The following ARFGEF1 variants were observed in gnomAD, a reference collection of about 807,000 sequenced individuals.
ARFGEF1 encodes brefeldin A-inhibited guanine nucleotide-exchange protein 1.
Under a neutral mutation model 231.0 loss-of-function variants are expected in ARFGEF1, and 42 were observed. The observed-to-expected ratio is 0.18, with a 90% CI of 0.14 to 0.24. ARFGEF1 has a LOEUF of 0.24. Among genes scored for constraint, ARFGEF1 ranks in the 10% least tolerant of loss-of-function variants. The pLI is 1.00. For synonymous variants in ARFGEF1, 710 were observed against 732.3 expected, an observed-to-expected ratio of 0.97 and a Z score of 0.49; for missense variants, 1,345 against 2,192.0, an observed-to-expected ratio of 0.61 and a Z score of 7.72.
At chr8:67,235,422 G>C (rs1475673295) in intron 22 of ARFGEF1, among the ~76,000 whole-genome samples, 4 of 152,138 alleles carry the variant, frequency 2.6e-5, no homozygotes, top group African/African-American at 9.7e-5. Flanking sequence ...AATCACAATA[G>C]AGAGGGCATA....
chr8:67,238,894 C>CT lies in ARFGEF1; in HGVS notation c.2980-2dup. The CT allele has an allele frequency of 2.2e-5, 36 of 1,612,138 alleles. No individual in the cohort carries two copies. The highest frequency in any genetic ancestry group is 3.1e-5 in the Non-Finnish European group (36 of 1,178,798). ...CCTGGACATATGCATCTCTCTCCAG[C>CT]TATAAAAAAGAGAAAAGTATGTTTA... On this transcript the variant is annotated splice_acceptor_variant, in intron 20 of 38. Coordinates refer to ENST00000262215, the MANE Select transcript of ARFGEF1 (RefSeq NM_006421.5). LOFTEE classifies it high-confidence loss of function.
intron 19 of ARFGEF1, among the ~76,000 whole-genome samples, chr8:67,246,976 G>A (rs1408254844): frequency 6.7e-6 from 1 of 149,674 alleles, no homozygotes; most frequent in Non-Finnish European, 1.5e-5. Context: ...ACTACATGCC[G>A]GTAAACTGGA....
At chr8:67,238,091 C>T (rs1370870937) in intron 22 of ARFGEF1, among the ~76,000 whole-genome samples, 1 of 152,098 alleles carries the variant, frequency 6.6e-6, no homozygotes. Flanking sequence ...TTTTTAAAAG[C>T]AAGTAATTTA....
In ARFGEF1 at chr8:67,296,561, G is replaced by T; in HGVS notation, c.509C>A (p.Thr170Asn). 6.2e-7 allele frequency: 1 copy of T among 1,613,546 alleles called. No individual in the cohort carries two copies. The highest frequency in any genetic ancestry group is 8.5e-7 in the Non-Finnish European group (1 of 1,179,774). The change falls in exon 5 of 39, where the codon ACT becomes AAT. Residue 170 changes from threonine to asparagine, a missense_variant. By Grantham distance (65) the Thr-to-Asn change is moderately conservative. Transcript: ENST00000262215. ...TSQHIEIHEG[T>N]VLQAVRTCYN... ...ACATGTTCTCACAGCTTGCAGTACA[G>T]TCCCTTCATGAATTTCTATGTGTTG...
At chr8:67,336,611 C>T (rs765937764) in intron 1 of ARFGEF1, among the ~76,000 whole-genome samples, 2 of 152,190 alleles carry the variant, frequency 1.3e-5, no homozygotes, top group South Asian at 2.1e-4. Flanking sequence ...TAACTGATCT[C>T]GTCTCCATTT....
chr8:67,282,155 A>T (rs1805562425), intron 7 of ARFGEF1, among the ~76,000 whole-genome samples: 1 of 152,120 alleles, frequency 6.6e-6, no homozygotes, highest in Non-Finnish European at 1.5e-5. Flanking sequence ...AAAATTGAAG[A>T]GGGAGGCCTT....
At chr8:67,283,959 C>T (rs570579477) in intron 7 of ARFGEF1, among the ~76,000 whole-genome samples, 32 of 152,216 alleles carry the variant, frequency 2.1e-4, no homozygotes, top group Non-Finnish European at 3.8e-4. Flanking sequence ...CCACTTGACC[C>T]AATAATCTCA....
At chr8:67,253,409 T>C (rs1301119796) in intron 18 of ARFGEF1, 42 bp downstream of exon 18, 4 of 1,399,138 alleles carry the variant, frequency 2.9e-6, no homozygotes, top group Admixed American at 2.1e-5. Flanking sequence ...ACCCATATTT[T>C]TCCCCTTGAA....
rs952645262 is a variant in ARFGEF1 at position 67,198,298 on chromosome 8, C to A, written c.*636G>T. On this transcript the variant is annotated 3_prime_UTR_variant, in exon 39 of 39. Transcript: ENST00000262215. ...CCACCCAAATGTTTAGTGCATTTGACAAAATATTATGGGTATTTAGCAAAT... is the reference window on the plus strand; with the variant it reads ...CCACCCAAATGTTTAGTGCATTTGAAAAAATATTATGGGTATTTAGCAAAT... 1 of 984,666 alleles carries A rather than the reference C, an allele frequency of 1.0e-6. No individual in the cohort carries two copies. Among genetic ancestry groups the A allele is most frequent in the African/African-American group, 1.7e-5 (1 of 57,270 alleles). The allele number at this position is 984,666 out of a possible 1,614,324, so 61.0% of individuals were successfully genotyped here.
At chr8:67,255,618 A>G (rs1383460877) in intron 17 of ARFGEF1, among the ~76,000 whole-genome samples, 1 of 152,260 alleles carries the variant, frequency 6.6e-6, no homozygotes, top group Non-Finnish European at 1.5e-5. Context: ...GTCATTTGTT[A>G]TAGTTATCTA....
intron 7 of ARFGEF1, among the ~76,000 whole-genome samples, chr8:67,279,413 A>AT (rs1477960312): frequency 6.6e-6 from 1 of 152,098 alleles, no homozygotes; most frequent in Non-Finnish European, 1.5e-5. Context: ...GTATTTTAAC[A>AT]TTCCTTTTTC....
intron 19 of ARFGEF1, among the ~76,000 whole-genome samples, chr8:67,247,619 G>C (rs1840147009): frequency 6.7e-6 from 1 of 150,368 alleles, no homozygotes; most frequent in Admixed American, 6.6e-5. Flanking sequence ...ACTGAAAAGG[G>C]AAAAACAGAA....
intron 9 of ARFGEF1, among the ~76,000 whole-genome samples, chr8:67,274,637 A>G (rs1805238015): frequency 2.0e-5 from 3 of 152,022 alleles, no homozygotes; most frequent in Admixed American, 1.3e-4. Flanking sequence ...TGTCCTTTTC[A>G]TTCTCAGCAT....
chr8:67,219,401 A>C, intron 30 of ARFGEF1, 30 bp downstream of exon 30: 1 of 1,596,042 alleles, frequency 6.3e-7, no homozygotes, highest in South Asian at 1.2e-5. Context: ...TAACTTGACT[A>C]AGCTAAATGA....
At chr8:67,208,015 G>C (rs184556199) in intron 34 of ARFGEF1, among the ~76,000 whole-genome samples, 1 of 152,310 alleles carries the variant, frequency 6.6e-6, no homozygotes, top group East Asian at 1.9e-4. Context: ...ACAAAGCTAA[G>C]TGTGTTTAAA....
rs779972940 is a variant in ARFGEF1 at position 67,198,016 on chromosome 8, A to ATGAC, written c.*914_*917dup. On this transcript the variant is annotated 3_prime_UTR_variant, in exon 39 of 39. Coordinates refer to ENST00000262215, the MANE Select transcript of ARFGEF1 (RefSeq NM_006421.5). The stretch of plus-strand genomic sequence containing the variant: ...GCCCCACCACCCAAAAGAAAAGAAA[A>ATGAC]TGACAGCAATCTGGATTCATTTTGC... 9.1e-6 allele frequency: 9 copies of ATGAC among 985,880 alleles called. No homozygotes were observed. The highest frequency in any genetic ancestry group is 1.1e-5 in the Non-Finnish European group (9 of 829,928). 61.1% of individuals were successfully genotyped at this position (985,880 alleles called of 1,614,324 possible).
chr8:67,334,959 T>C (rs1200037127), intron 1 of ARFGEF1, among the ~76,000 whole-genome samples: 1 of 152,208 alleles, frequency 6.6e-6, no homozygotes, highest in Non-Finnish European at 1.5e-5. Context: ...TTTATGCTGA[T>C]GGCTGCATAA....
intron 7 of ARFGEF1, among the ~76,000 whole-genome samples, chr8:67,282,501 C>T (rs1805575920): frequency 1.3e-5 from 2 of 152,030 alleles, no homozygotes; most frequent in South Asian, 4.2e-4. Context: ...ACAGAAACCA[C>T]AAATAAAAAG....
chr8:67,216,460 G>A, intron 33 of ARFGEF1, 130 bp downstream of exon 33: 1 of 816,636 alleles, frequency 1.2e-6, no homozygotes, highest in Non-Finnish European at 1.9e-6. Context: ...CTATTTATAA[G>A]TAATCCAGTC....
Sources: allele counts gnomAD v4.1 joint callset (sites outside exome capture counted in the v4.1 genomes callset), GRCh38; gene constraint gnomAD v4.1.1; transcripts MANE v1.5; gene names NCBI Gene and HGNC (gene_info 2026-07-23, HGNC 2026-07-21).